CCDC157: variants seen among roughly 807,000 people sequenced by gnomAD.
The protein encoded by CCDC157 is coiled-coil domain containing 157, also known as coiled-coil domain-containing protein 157.
CCDC157 carries 60 observed loss-of-function variants against 70.9 expected under a neutral mutation model. The ratio of observed to expected loss-of-function variants is 0.85; its 90% CI spans 0.69 to 1.05. The LOEUF (loss-of-function observed/expected upper bound fraction) is 1.05. CCDC157 is among the 50% of genes least tolerant of loss of function. The pLI is 0.00. For synonymous variants in CCDC157, 373 were observed against 422.4 expected (o/e 0.88, Z 1.43); for missense variants, 943 against 984.2 (o/e 0.96, Z 0.56).
intron 10 of CCDC157, 100 bp downstream of exon 10, chr22:30,375,763 A>C: frequency 3.0e-6 from 3 of 994,538 alleles, no homozygotes; most frequent in Non-Finnish European, 2.9e-6. Flanking sequence ...AGCCCACCTC[A>C]TCACATGAGG....
intron 1 of CCDC157, among the ~76,000 whole-genome samples, chr22:30,359,416 C>A (rs952293015): frequency 6.6e-6 from 1 of 152,192 alleles, no homozygotes; most frequent in South Asian, 2.1e-4. Context: ...CACAAGCTTA[C>A]CCCTTGCGGA....
At chr22:30,365,265 C>T (rs1049088368) in intron 2 of CCDC157, among the ~76,000 whole-genome samples, 2 of 149,726 alleles carry the variant, frequency 1.3e-5, no homozygotes, top group African/African-American at 4.9e-5. Flanking sequence ...GACAGATGGG[C>T]GAGGATTTAG....
At position 30,373,945 on chromosome 22, in the gene CCDC157, G is replaced by T; in HGVS notation, c.1526G>T (p.Arg509Met). 1 of 1,612,054 alleles carries T rather than the reference G, an allele frequency of 6.2e-7. No homozygotes were observed. Among genetic ancestry groups the T allele is most frequent in the East Asian group, 2.2e-5 (1 of 44,832 alleles). The change falls in exon 9 of 12, where the codon AGG (arginine) becomes ATG (methionine). Residue 509 changes from arginine (R) to methionine (M), a missense_variant. Transcript: ENST00000338306. ...CAGGAGCTGCTGCAGAGCCTGCAGA[G>T]GGAGAAGCAAGGCCTGGAGCAGGCG... is the stretch of plus-strand genomic sequence containing the variant. ...AQQELLQSLQREKQGLEQATT... is the reference protein window; with the variant it reads ...AQQELLQSLQMEKQGLEQATT...
chr22:30,367,397 G>A (rs1474645747), intron 3 of CCDC157, among the ~76,000 whole-genome samples: 3 of 152,018 alleles, frequency 2.0e-5, no homozygotes, highest in Non-Finnish European at 2.9e-5. Flanking sequence ...TGTCACGCCT[G>A]GCTAGTTTTT....
Position 30,376,845 on chromosome 22 carries a change from A to G in CCDC157, c.*100A>G, listed in dbSNP as rs940363111. Reference sequence around the variant, plus strand: ...CCCACAGCAATCTTTGCCTCACAGTATGACTGAGCCAAGGAAAGAACCCTT... The same window carrying G: ...CCCACAGCAATCTTTGCCTCACAGTGTGACTGAGCCAAGGAAAGAACCCTT... On this transcript the variant is annotated 3_prime_UTR_variant, in exon 12 of 12. Coordinates refer to ENST00000338306, the MANE Select transcript of CCDC157 (RefSeq NM_001017437.5). 4 of 1,215,604 alleles carry G rather than the reference A, an allele frequency of 3.3e-6. No individual in the cohort carries two copies. Among genetic ancestry groups the G allele is most frequent in the Non-Finnish European group, 3.4e-6 (3 of 870,236 alleles). The allele number at this position is 1,215,604 out of a possible 1,614,324, so 75.3% of individuals were successfully genotyped here.
rs141642412 is a variant in CCDC157, at chr22:30,375,879, CT to C, written c.1857+219del. 3,389 of 575,954 alleles carry C rather than the reference CT, an allele frequency of 5.9e-3. 84 individuals carry two copies. Among genetic ancestry groups the C allele is most frequent in the African/African-American group, 0.055 (2,912 of 53,230 alleles). 35.7% of individuals were successfully genotyped at this position (575,954 alleles called of 1,614,324 possible). On this transcript the variant is annotated intron_variant, in intron 10 of 11. Coordinates refer to ENST00000338306, the MANE Select transcript of CCDC157 (RefSeq NM_001017437.5). ...CATATGCCCTCTATAGCTGTCATTC[CT>C]TTAAGTGCAGCAAGAAGCCTCGTCA...
At chr22:30,376,017 G>A (rs991418484) in intron 10 of CCDC157, 9 of 539,912 alleles carry the variant, frequency 1.7e-5, no homozygotes, top group Admixed American at 7.1e-5. Context: ...ATGGGACCCC[G>A]TTTCTACAAA....
intron 10 of CCDC157, 21 bp from the exon 11 acceptor site, chr22:30,376,238 G>GGT: frequency 7.6e-7 from 1 of 1,313,584 alleles, no homozygotes; most frequent in Non-Finnish European, 1.1e-6. Flanking sequence ...TATAAGACTG[G>GGT]CTTTTTTTTT....
chr22:30,376,653 C>A lies in CCDC157; in HGVS notation c.2167C>A (p.Pro723Thr). 6.2e-7 allele frequency: 1 copy of A among 1,613,860 alleles called. No individual in the cohort carries two copies. The highest frequency in any genetic ancestry group is 8.5e-7 in the Non-Finnish European group (1 of 1,180,016). ...CCACTTGGACACCTGCACCCAGAAC[C>A]CCATCAAGGTCTTGGTCAGGCTGAG... is the stretch of plus-strand genomic sequence containing the variant. ...VTHLDTCTQN[P>T]IKVLVRLRKR... Residue 723 changes from proline to threonine, a missense_variant, in exon 12 of 12, where the codon CCC (proline) becomes ACC (threonine). Physicochemically the swap from Pro to Thr is conservative, Grantham distance 38. Coordinates refer to ENST00000338306, the MANE Select transcript of CCDC157 (RefSeq NM_001017437.5).
At position 30,375,972 on chromosome 22, in the gene CCDC157, G is replaced by A. The variant is rs1933325867; in HGVS notation, c.1858-287G>A. On this transcript the variant is annotated intron_variant, in intron 10 of 11. Coordinates refer to ENST00000338306, the MANE Select transcript of CCDC157 (RefSeq NM_001017437.5). ...AGAGGCTGAGGCGGGCAGATCACTC[G>A]AGCCCAGGAGTTTGAGACCAGCCTG... 1.5e-5 allele frequency: 8 copies of A among 531,344 alleles called. No individual in the cohort carries two copies. The East Asian group carries it at 2.2e-4, about 15-fold the overall frequency. The allele number at this position is 531,344 out of a possible 1,614,324, so 32.9% of individuals were successfully genotyped here.
At chr22:30,367,238 G>A (rs1460158010) in intron 3 of CCDC157, 1 of 150,930 alleles carries the variant, frequency 6.6e-6, no homozygotes, top group African/African-American at 2.5e-5. Context: ...AGCTGGGTGT[G>A]TTGGTGCATG....
rs1254738521 is a variant in CCDC157 at position 30,369,507 on chromosome 22, G to A, written c.324G>A (p.Gln108=). The A allele has an allele frequency of 6.2e-6, 10 of 1,606,556 alleles. No homozygotes were observed. The highest frequency in any genetic ancestry group is 5.4e-5 in the African/African-American group (4 of 74,502). ...LGSEQMMPPA[Q]AAGPCMSVGL... ...CAGAGCAGATGATGCCCCCTGCACA[G>A]GCTGCGGGGCCCTGCATGTCCGTGG... Residue 108 remains glutamine, a synonymous_variant, in exon 4 of 12, where the codon CAG becomes CAA. Transcript: ENST00000338306.
chr22:30,374,952 GTCTTTT>G (rs776226685), intron 9 of CCDC157: 2 of 285,748 alleles, frequency 7.0e-6, no homozygotes, highest in Non-Finnish European at 1.3e-5. Context: ...TATTTGCTAA[GTCTTTT>G]TTTTTTTTTT....
intron 1 of CCDC157, among the ~76,000 whole-genome samples, chr22:30,360,324 A>C (rs1358053900): frequency 6.6e-6 from 1 of 151,780 alleles, no homozygotes; most frequent in African/African-American, 2.4e-5. Context: ...TAACATGGTG[A>C]AACCCCATCT....
At position 30,374,085 on chromosome 22, in the gene CCDC157, A is replaced by G. The variant is rs1296606315; in HGVS notation, c.1666A>G (p.Ile556Val). 6.3e-7 allele frequency: 1 copy of G among 1,595,924 alleles called. No individual in the cohort carries two copies. The highest frequency in any genetic ancestry group is 1.8e-5 in the Admixed American group (1 of 57,042). The change falls in exon 9 of 12, where the codon ATC becomes GTC. Residue 556 changes from isoleucine (I) to valine (V), a missense_variant. Coordinates refer to ENST00000338306, the MANE Select transcript of CCDC157 (RefSeq NM_001017437.5). ...PDLHRPTETQ[I>V]HGGRSSSVES... ...CCTGCACAGGCCCACCGAGACCCAG[A>G]TCCATGGTAGGGGACTGGGGATGGT...
chr22:30,356,961 G>C, upstream of CCDC157: 1 of 529,800 alleles, frequency 1.9e-6, no homozygotes. Flanking sequence ...CCCTCGCCGT[G>C]ACGCGCTTCC....
intron 5 of CCDC157, chr22:30,371,271 C>G (rs1201041970): frequency 2.0e-6 from 1 of 488,992 alleles, no homozygotes; most frequent in Non-Finnish European, 3.7e-6. Flanking sequence ...GAGTTATTCC[C>G]CTGGCACTTC....
At chr22:30,358,251 A>G (rs971845939) in intron 1 of CCDC157, among the ~76,000 whole-genome samples, 2 of 152,178 alleles carry the variant, frequency 1.3e-5, no homozygotes, top group African/African-American at 4.8e-5. Flanking sequence ...GGTTGTTATT[A>G]ATGTAGAATA....
Position 30,376,486 on chromosome 22 carries a change from G to C in CCDC157, c.2000G>C (p.Gly667Ala), listed in dbSNP as rs754954495. 13 of 1,613,736 alleles carry C rather than the reference G, an allele frequency of 8.1e-6. No homozygotes were observed. In the East Asian group the frequency reaches 2.0e-4, roughly 25 times the overall value. Reference sequence around the variant, plus strand: ...AGCAGGACGGGTAGGACCCTGCTGGGCCAGCCCTGCACATCCCCACCTCGG... The same window carrying C: ...AGCAGGACGGGTAGGACCCTGCTGGCCCAGCCCTGCACATCCCCACCTCGG... ...PSSRTGRTLLGQPCTSPPRQP... is the reference protein window; with the variant it reads ...PSSRTGRTLLAQPCTSPPRQP... Residue 667 changes from glycine (G) to alanine (A), a missense_variant, in exon 12 of 12, where the codon GGC becomes GCC. By Grantham distance (60) the Gly-to-Ala change is moderately conservative. Coordinates refer to ENST00000338306, the MANE Select transcript of CCDC157 (RefSeq NM_001017437.5).
Sources: gnomAD v4.1 joint callset for allele counts (sites outside exome capture counted in the v4.1 genomes callset) on GRCh38, gnomAD v4.1.1 for gene constraint, MANE v1.5 for transcripts, NCBI Gene and HGNC (gene_info 2026-07-23, HGNC 2026-07-21) for gene names.